The following LFNG variants were observed in gnomAD, a reference collection of about 807,000 sequenced individuals.
The protein encoded by LFNG is beta-1,3-N-acetylglucosaminyltransferase lunatic fringe.
Under a neutral mutation model 32.7 loss-of-function variants are expected in LFNG, and 15 were observed. That is an observed-to-expected ratio of 0.46 (90% CI 0.31 to 0.71). The LOEUF is 0.71. Ranked by LOEUF, LFNG falls within the 30% of genes least tolerant of loss-of-function variation. The pLI is 0.06. For synonymous variants in LFNG, 274 were observed against 246.8 expected (o/e 1.11, Z -1.03); for missense variants, 520 against 545.7 (o/e 0.95, Z 0.47).
In LFNG at chr7:2,526,697, G is replaced by T; in HGVS notation, c.988-139G>T. The T allele has an allele frequency of 1.2e-6, 1 of 813,874 alleles. No homozygotes were observed. Among genetic ancestry groups the T allele is most frequent in the Non-Finnish European group, 2.1e-6 (1 of 485,108 alleles). The allele number at this position is 813,874 out of a possible 1,614,324, so 50.4% of individuals were successfully genotyped here. On this transcript the variant is annotated intron_variant, in intron 6 of 7. Coordinates refer to ENST00000222725, the MANE Select transcript of LFNG (RefSeq NM_001040167.2). This position sits in a 1 kb window ranked among gnomAD's most constrained non-coding sequence, Gnocchi z 6.9. ...CCCAGTTTGGGACCTTATTCCTGGG[G>T]TGTGCAGGGCAGGTGTCCTTCCAGG...
chr7:2,519,356 A>G (rs930443606), upstream of LFNG, among the ~76,000 whole-genome samples: 2 of 152,084 alleles, frequency 1.3e-5, no homozygotes, highest in African/African-American at 4.8e-5. Flanking sequence ...ACAGCGAGGA[A>G]GTAGGATGTC....
downstream of LFNG, chr7:2,528,860 G>A (rs1013236561): frequency 2.4e-5 from 14 of 584,832 alleles, no homozygotes; most frequent in African/African-American, 1.6e-4. Flanking sequence ...CCACATCATC[G>A]CCTCACTTTG....
chr7:2,525,942 G>A (rs546076314), intron 5 of LFNG, among the ~76,000 whole-genome samples, 172 bp downstream of exon 5: 4 of 152,322 alleles, frequency 2.6e-5, no homozygotes, highest in Admixed American at 6.5e-5. Flanking sequence ...CTGTGTTTAC[G>A]GCGGCTGCCC....
upstream of LFNG, among the ~76,000 whole-genome samples, chr7:2,519,303 C>T (rs1779707048): frequency 6.6e-6 from 1 of 152,156 alleles, no homozygotes; most frequent in Non-Finnish European, 1.5e-5. Context: ...GCAAGGCCTG[C>T]CGCGTCCCAA....
rs1216332957 is a variant in LFNG, at chr7:2,527,012, G to T, written c.1073+91G>T. On this transcript the variant is annotated intron_variant, in intron 7 of 7. Coordinates refer to ENST00000222725, the MANE Select transcript of LFNG (RefSeq NM_001040167.2). The surrounding 1 kb of genome is among the most constrained non-coding windows in gnomAD (Gnocchi z 4.4). ...AGCTGCAGCAGGGTCTCTCTAAGCG[G>T]CATGACTCTACATAGAGGTGTCCCC... The T allele has an allele frequency of 7.0e-7, 1 of 1,432,402 alleles. No individual in the cohort carries two copies. The highest frequency in any genetic ancestry group is 1.4e-5 in the African/African-American group (1 of 70,862). The allele number at this position is 1,432,402 out of a possible 1,614,324, so 88.7% of individuals were successfully genotyped here. A position where few individuals can be genotyped will look rare whatever the true frequency, so the allele number is the denominator to read the frequency against.
At chr7:2,513,166 G>C (rs1382283071), upstream of LFNG, 1 of 1,613,764 alleles carries the variant, frequency 6.2e-7, no homozygotes, top group Admixed American at 1.7e-5. Context: ...GTGCCAAGCA[G>C]ATCTGGGCAT....
chr7:2,528,892 G>A (rs562235848), downstream of LFNG: 61 of 548,166 alleles, frequency 1.1e-4, no homozygotes, highest in South Asian at 1.2e-3. Flanking sequence ...ACTGAGGCAC[G>A]GAGCAGCTGA....
In LFNG at chr7:2,528,395, C is replaced by T. The variant is rs879409820; in HGVS notation, c.*1183C>T. 80 of 987,022 alleles carry T rather than the reference C, an allele frequency of 8.1e-5. No homozygotes were observed. Among genetic ancestry groups the T allele is most frequent in the Admixed American group, 1.8e-4 (3 of 16,290 alleles). The allele number at this position is 987,022 out of a possible 1,614,324, so 61.1% of individuals were successfully genotyped here. On this transcript the variant is annotated 3_prime_UTR_variant, in exon 8 of 8. Coordinates refer to ENST00000222725, the MANE Select transcript of LFNG (RefSeq NM_001040167.2). ...TGAAGTGTTGTTGCTATGGTGACGTCCTTTTGCTGTGAATAAAGGTGCTCT... is the reference window on the plus strand; with the variant it reads ...TGAAGTGTTGTTGCTATGGTGACGTTCTTTTGCTGTGAATAAAGGTGCTCT...
intron 1 of LFNG, among the ~76,000 whole-genome samples, chr7:2,521,611 C>G (rs1310528444): frequency 6.6e-6 from 1 of 152,200 alleles, no homozygotes; most frequent in Non-Finnish European, 1.5e-5. Context: ...CTGGCCCCCC[C>G]ACCCCCAGCA....
At chr7:2,516,007 G>C (rs1303674154), upstream of LFNG, among the ~76,000 whole-genome samples, 3 of 152,190 alleles carry the variant, frequency 2.0e-5, no homozygotes, top group East Asian at 5.8e-4. Context: ...TCCTGGGTCG[G>C]GACACTCACT....
In LFNG at chr7:2,520,001, G is replaced by A. The variant is rs1322872527; in HGVS notation, c.140G>A (p.Gly47Asp). 1 of 984,790 alleles carries A rather than the reference G, an allele frequency of 1.0e-6. No individual in the cohort carries two copies. 61.0% of individuals were successfully genotyped at this position (984,790 alleles called of 1,614,324 possible). A position where few individuals can be genotyped will look rare whatever the true frequency, so the allele number is the denominator to read the frequency against. Reference sequence around the variant, plus strand: ...CGGCGCGCGCTGCGCAGCCTGGCGGGCCCCGCGGGGGCTGCCCCGGCGCCC... The same window carrying A: ...CGGCGCGCGCTGCGCAGCCTGGCGGACCCCGCGGGGGCTGCCCCGGCGCCC... Reference protein sequence around the residue: ...RGRRALRSLAGPAGAAPAPGL... With the variant: ...RGRRALRSLADPAGAAPAPGL... Residue 47 changes from glycine to aspartate, a missense_variant, in exon 1 of 8, where the codon GGC becomes GAC. By Grantham distance (94) the Gly-to-Asp change is moderately conservative. Coordinates refer to ENST00000222725, the MANE Select transcript of LFNG (RefSeq NM_001040167.2). The surrounding 1 kb of genome is among the most constrained non-coding windows in gnomAD (Gnocchi z 5.0).
At chr7:2,519,547 G>C (rs937297898), upstream of LFNG, among the ~76,000 whole-genome samples, 1 of 151,210 alleles carries the variant, frequency 6.6e-6, no homozygotes, top group Non-Finnish European at 1.5e-5. Flanking sequence ...GCGGCCCGCA[G>C]GGGCTACCCG....
At chr7:2,514,552 G>GTCCA (rs71026525), upstream of LFNG, among the ~76,000 whole-genome samples, 53,362 of 147,926 alleles carry the variant, frequency 0.36, 9,926 homozygotes, top group Non-Finnish European at 0.43. Flanking sequence ...CCATCCATCT[G>GTCCA]TCCATCCATC....
chr7:2,525,285 T>C lies in LFNG; in HGVS notation c.548T>C (p.Val183Ala). 1 of 1,612,938 alleles carries C rather than the reference T, an allele frequency of 6.2e-7. No individual in the cohort carries two copies. Among genetic ancestry groups the C allele is most frequent in the Admixed American group, 1.7e-5 (1 of 60,024 alleles). The change falls in exon 3 of 8, where the codon GTG becomes GCG. Residue 183 changes from valine to alanine, a missense_variant. Around this residue, in one of 3 missense-constraint regions of LFNG, gnomAD observed 360 missense variants for 354.7 expected, o/e 1.01. Transcript: ENST00000222725. ...SRQALSCKMAVEYDRFIESGR... is the reference protein window; with the variant it reads ...SRQALSCKMAAEYDRFIESGR... The stretch of plus-strand genomic sequence containing the variant: ...CAGGCGCTGTCCTGCAAGATGGCCG[T>C]GGAGTATGACCGCTTCATCGAGTCC...
At chr7:2,519,593 G>C (rs891214355), upstream of LFNG, among the ~76,000 whole-genome samples, 45 of 150,168 alleles carry the variant, frequency 3.0e-4, no homozygotes, top group African/African-American at 9.5e-4. Flanking sequence ...CGTGCGCGCC[G>C]GGGGCGGGGC....
chr7:2,521,548 G>A (rs902040722), intron 1 of LFNG, among the ~76,000 whole-genome samples: 5 of 152,204 alleles, frequency 3.3e-5, no homozygotes, highest in Non-Finnish European at 1.5e-5. Context: ...GGGGACCAGC[G>A]GGCCCCCCCA....
rs1780052888 is a variant in LFNG, at chr7:2,528,171, T to C, written c.*959T>C. The stretch of plus-strand genomic sequence containing the variant: ...GTCATCTTTGTTTTTAAAGCTGAAG[T>C]GGGACTGTCTGGCACTCTGTGTATT... On this transcript the variant is annotated 3_prime_UTR_variant, in exon 8 of 8. Coordinates refer to ENST00000222725, the MANE Select transcript of LFNG (RefSeq NM_001040167.2). 2 of 985,720 alleles carry C rather than the reference T, an allele frequency of 2.0e-6. No homozygotes were observed. The allele number at this position is 985,720 out of a possible 1,614,324, so 61.1% of individuals were successfully genotyped here. A position where few individuals can be genotyped will look rare whatever the true frequency, so the allele number is the denominator to read the frequency against.
At chr7:2,518,702 G>A (rs1023701005), upstream of LFNG, 1 of 1,490,156 alleles carries the variant, frequency 6.7e-7, no homozygotes, top group Non-Finnish European at 9.1e-7. Flanking sequence ...GGCGGTGGTG[G>A]TCGTGGTGGT....
Position 2,522,245 on chromosome 7 carries a change from C to T in LFNG, c.432+1952C>T, listed in dbSNP as rs150523362. On this transcript the variant is annotated intron_variant, in intron 1 of 7. Coordinates refer to ENST00000222725, the MANE Select transcript of LFNG (RefSeq NM_001040167.2). Reference sequence around the variant, plus strand: ...CTTCCTGGAGGAGGCGCCATTTGAGCTAGACTAAGAGTAAAAAAGTGCCCA... The same window carrying T: ...CTTCCTGGAGGAGGCGCCATTTGAGTTAGACTAAGAGTAAAAAAGTGCCCA... 4.3e-3 allele frequency among the ~76,000 whole-genome samples: 656 copies of T among 152,316 alleles called. 4 individuals carry two copies. Among genetic ancestry groups the T allele is most frequent in the East Asian group, 3.9e-3 (20 of 5,190 alleles).
Sources: gnomAD v4.1 joint callset for allele counts (sites outside exome capture counted in the v4.1 genomes callset) on GRCh38, gnomAD v4.1.1 for gene constraint, gnomAD v4.1.1 regional missense constraint, Gnocchi (gnomAD v3.1) non-coding constraint, MANE v1.5 for transcripts, NCBI Gene and HGNC (gene_info 2026-07-23, HGNC 2026-07-21) for gene names.